The following OCA2 variants were observed in gnomAD, a reference collection of about 807,000 sequenced individuals.
OCA2 encodes P protein.
In OCA2, 77 loss-of-function variants were observed where a neutral mutation model predicts 100.2. The observed-to-expected ratio is 0.77, with a 90% CI of 0.64 to 0.93. OCA2 has a LOEUF of 0.93. OCA2 is among the 40% of genes least tolerant of loss of function. OCA2 has a pLI of 0.00. For missense variants in OCA2, 1,062 were observed against 1,089.1 expected, an observed-to-expected ratio of 0.98 and a Z score of 0.35; for synonymous variants, 432 against 439.2, an observed-to-expected ratio of 0.98 and a Z score of 0.21.
chr15:27,937,896 C>T lies in OCA2; in HGVS notation c.1952-11642G>A, dbSNP rs560789306. Among the ~76,000 whole-genome samples, 3 of 152,320 alleles carry T rather than the reference C, an allele frequency of 2.0e-5. No homozygotes were observed. In the East Asian group the frequency reaches 5.8e-4, roughly 29 times the overall value. ...ACTCATTTAGTAGTACACTTTGAGA[C>T]ATAAGTTCCTAATTTTAAGATAGTC... On this transcript the variant is annotated intron_variant, in intron 18 of 23. Transcript: ENST00000354638.
rs148289098 is a variant in OCA2 at position 27,940,170 on chromosome 15, C to T, written c.1951+11614G>A. On this transcript the variant is annotated intron_variant, in intron 18 of 23. Coordinates refer to ENST00000354638, the MANE Select transcript of OCA2 (RefSeq NM_000275.3). The stretch of plus-strand genomic sequence containing the variant: ...CAGCATCCAAGCAGATTTTAGTCAC[C>T]CCCACTGGTGGGCCACTATGTAATA... Among the ~76,000 whole-genome samples the T allele has an allele frequency of 9.7e-3, 1,481 of 152,286 alleles. 31 individuals carry two copies. The highest frequency in any genetic ancestry group is 0.034 in the African/African-American group (1,431 of 41,550).
chr15:28,022,446 T>C (rs1214181799), intron 6 of OCA2, 55 bp downstream of exon 6: 57 of 1,270,854 alleles, frequency 4.5e-5, no homozygotes, highest in Non-Finnish European at 6.3e-5. Flanking sequence ...AAGTGTCTCC[T>C]TGTGTTTCAG....
At chr15:27,966,314 T>C (rs1480082544) in intron 15 of OCA2, among the ~76,000 whole-genome samples, 1 of 152,220 alleles carries the variant, frequency 6.6e-6, no homozygotes, top group Non-Finnish European at 1.5e-5. Context: ...TCACCTCCTG[T>C]GCTGGGTTAT....
At chr15:27,726,296 TC>T in the OCA2 span, among the ~76,000 whole-genome samples, 1 of 136,750 alleles carries the variant, frequency 7.3e-6, no homozygotes. Flanking sequence ...AGACTCCAGC[TC>T]AAAAAATAAA....
At chr15:27,808,014 G>A (rs940428877) in intron 23 of OCA2, among the ~76,000 whole-genome samples, 1 of 152,232 alleles carries the variant, frequency 6.6e-6, no homozygotes, top group Non-Finnish European at 1.5e-5. Context: ...GTGCATGCAT[G>A]TGTTGCAGAC....
chr15:27,933,305 C>G (rs952906379), intron 18 of OCA2, among the ~76,000 whole-genome samples: 1 of 125,540 alleles, frequency 8.0e-6, no homozygotes, highest in Non-Finnish European at 1.6e-5. Context: ...TGAAAAAAAG[C>G]AGAAATAAAC....
intron 23 of OCA2, among the ~76,000 whole-genome samples, chr15:27,797,074 C>T (rs900661267): frequency 2.6e-5 from 4 of 152,194 alleles, no homozygotes; most frequent in African/African-American, 7.2e-5. Context: ...GGGTCCCCTG[C>T]GCTGCTGCCT....
intron 19 of OCA2, among the ~76,000 whole-genome samples, chr15:27,925,063 T>C (rs2038995794): frequency 6.6e-6 from 1 of 152,112 alleles, no homozygotes; most frequent in Non-Finnish European, 1.5e-5. Context: ...TATATACACT[T>C]AACAACCGAT....
chr15:27,726,428 A>G, the OCA2 span, among the ~76,000 whole-genome samples: 1 of 152,206 alleles, frequency 6.6e-6, no homozygotes, highest in Admixed American at 6.5e-5. Flanking sequence ...CTGCATGAAA[A>G]CAGTCTTCTC....
intron 14 of OCA2, among the ~76,000 whole-genome samples, chr15:27,974,704 G>T (rs957537406): frequency 6.6e-6 from 1 of 152,166 alleles, no homozygotes; most frequent in South Asian, 2.1e-4. Flanking sequence ...GGAGGCGGAG[G>T]TTGCAGTGAG....
chr15:27,936,946 C>T (rs1012926647), intron 18 of OCA2, among the ~76,000 whole-genome samples: 3 of 152,102 alleles, frequency 2.0e-5, no homozygotes, highest in Non-Finnish European at 4.4e-5. Context: ...GAGCATTTTG[C>T]CTCAAATAAA....
chr15:27,964,416 C>T (rs1242322267), intron 15 of OCA2, among the ~76,000 whole-genome samples: 1 of 152,240 alleles, frequency 6.6e-6, no homozygotes, highest in African/African-American at 2.4e-5. Flanking sequence ...GTCATGCTCT[C>T]TCCCATTCTG....
At chr15:27,919,793 T>C (rs1275589813) in intron 19 of OCA2, among the ~76,000 whole-genome samples, 3 of 152,154 alleles carry the variant, frequency 2.0e-5, no homozygotes, top group Non-Finnish European at 4.4e-5. Context: ...ATGACTATAA[T>C]GCATCAATTT....
intron 19 of OCA2, among the ~76,000 whole-genome samples, chr15:27,899,362 A>C (rs1477557620): frequency 6.6e-6 from 1 of 152,210 alleles, no homozygotes; most frequent in Non-Finnish European, 1.5e-5. Flanking sequence ...GATGTGATTA[A>C]GTTGAGGACC....
chr15:28,051,966 C>A (rs2043531591), intron 2 of OCA2, among the ~76,000 whole-genome samples: 1 of 152,138 alleles, frequency 6.6e-6, no homozygotes, highest in South Asian at 2.1e-4. Flanking sequence ...TACTGTCTAA[C>A]CCCCCTCTGC....
intron 21 of OCA2, among the ~76,000 whole-genome samples, chr15:27,852,027 C>T (rs1236168985): frequency 2.0e-5 from 3 of 152,296 alleles, no homozygotes; most frequent in Middle Eastern, 3.4e-3. Context: ...TGCCAGGCAC[C>T]CTGAGCCTGC....
chr15:27,902,162 C>T (rs980622582), intron 19 of OCA2, among the ~76,000 whole-genome samples: 1 of 151,898 alleles, frequency 6.6e-6, no homozygotes, highest in African/African-American at 2.4e-5. Flanking sequence ...TGATTCCTTC[C>T]AGGCACAGAA....
intron 9 of OCA2, among the ~76,000 whole-genome samples, chr15:28,007,526 C>T (rs1353374229): frequency 6.6e-6 from 1 of 152,086 alleles, no homozygotes; most frequent in African/African-American, 2.4e-5. Context: ...GTCAGGAGTT[C>T]GAGACCAGCC....
chr15:28,069,062 A>G (rs1566861776), intron 2 of OCA2, among the ~76,000 whole-genome samples: 1 of 152,152 alleles, frequency 6.6e-6, no homozygotes, highest in Non-Finnish European at 1.5e-5. Context: ...CACCACTCCT[A>G]TTCAACAGAG....
Sources: allele counts gnomAD v4.1 joint callset (sites outside exome capture counted in the v4.1 genomes callset), GRCh38; gene constraint gnomAD v4.1.1; transcripts MANE v1.5; gene names NCBI Gene and HGNC (gene_info 2026-07-23, HGNC 2026-07-21).